ROR2: variants seen among roughly 807,000 people sequenced by gnomAD.
ROR2 encodes tyrosine-protein kinase transmembrane receptor ROR2.
Under a neutral mutation model 74.9 loss-of-function variants are expected in ROR2, and 33 were observed. The observed-to-expected ratio is 0.44, with a 90% CI of 0.33 to 0.59. ROR2 has a LOEUF of 0.59. Ranked by LOEUF, ROR2 falls within the 20% of genes least tolerant of loss-of-function variation. The pLI, the probability that ROR2 is intolerant of heterozygous loss-of-function variation, is 0.02. For synonymous variants in ROR2, 586 were observed against 558.7 expected, an observed-to-expected ratio of 1.05 and a Z score of -0.69; for missense variants, 1,216 against 1,313.8, an observed-to-expected ratio of 0.93 and a Z score of 1.15.
chr9:91,805,013 A>G (rs940315105), intron 1 of ROR2, among the ~76,000 whole-genome samples: 2 of 152,264 alleles, frequency 1.3e-5, no homozygotes, highest in Admixed American at 1.3e-4. Context: ...GCATTTATTC[A>G]AAGTACTTCA....
chr9:91,837,646 A>C (rs550290053), intron 1 of ROR2, among the ~76,000 whole-genome samples: 77 of 152,224 alleles, frequency 5.1e-4, no homozygotes, highest in Non-Finnish European at 9.1e-4. Flanking sequence ...GCCATCTCAT[A>C]AATTTTTCAT....
intron 2 of ROR2, among the ~76,000 whole-genome samples, chr9:91,773,546 G>T (rs1374924641): frequency 6.6e-6 from 1 of 152,228 alleles, no homozygotes; most frequent in Non-Finnish European, 1.5e-5. Context: ...TACCCATTGT[G>T]GGAGCCTCTT....
At chr9:91,780,182 CCTGG>C (rs1408049507) in intron 1 of ROR2, among the ~76,000 whole-genome samples, 1 of 152,056 alleles carries the variant, frequency 6.6e-6, no homozygotes, top group East Asian at 1.9e-4. Context: ...ACGAGACCAT[CCTGG>C]CTAACACAGT....
chr9:91,939,236 G>A (rs552210616), intron 1 of ROR2, among the ~76,000 whole-genome samples: 4 of 151,700 alleles, frequency 2.6e-5, no homozygotes, highest in Non-Finnish European at 4.4e-5. Flanking sequence ...GCGACAAAGC[G>A]AGACTCCATC....
chr9:91,779,897 A>T (rs987737838), intron 1 of ROR2, among the ~76,000 whole-genome samples: 1 of 152,264 alleles, frequency 6.6e-6, no homozygotes, highest in Non-Finnish European at 1.5e-5. Flanking sequence ...GCATGGAGAC[A>T]TCAGCTCTTA....
At chr9:91,818,161 A>G (rs570954818) in intron 1 of ROR2, among the ~76,000 whole-genome samples, 1 of 152,322 alleles carries the variant, frequency 6.6e-6, no homozygotes, top group East Asian at 1.9e-4. Flanking sequence ...CTTCTTTCCA[A>G]GAACATGGAC....
chr9:91,738,749 G>A (rs1012330116), intron 4 of ROR2, among the ~76,000 whole-genome samples: 2 of 152,216 alleles, frequency 1.3e-5, no homozygotes, highest in African/African-American at 2.4e-5. Context: ...CTGCATGGAC[G>A]GCACAGACTG....
intron 1 of ROR2, among the ~76,000 whole-genome samples, chr9:91,822,555 C>T (rs79813193): frequency 0.025 from 3,791 of 152,274 alleles, 93 homozygotes; most frequent in East Asian, 0.095. Context: ...CTTTTCTTTT[C>T]AGTAGAAATG....
chr9:91,740,476 C>T (rs1363883403), intron 4 of ROR2, among the ~76,000 whole-genome samples: 1 of 151,002 alleles, frequency 6.6e-6, no homozygotes, highest in African/African-American at 2.5e-5. Flanking sequence ...GGCGTGAACC[C>T]AGGAGGCGGA....
At position 91,723,601 on chromosome 9, in the gene ROR2, CTG is replaced by C; in HGVS notation, c.*59_*60del. On this transcript the variant is annotated 3_prime_UTR_variant, in exon 9 of 9. Coordinates refer to ENST00000375708, the MANE Select transcript of ROR2 (RefSeq NM_004560.4). ...GAGTATGGTGTCTTCTCAAAGGTGA[CTG>C]AGGTCCCTGTGGGGTCTCGGCGGGG... 1 of 1,595,220 alleles carries C rather than the reference CTG, an allele frequency of 6.3e-7. No homozygotes were observed. Among genetic ancestry groups the C allele is most frequent in the Non-Finnish European group, 8.5e-7 (1 of 1,173,148 alleles).
chr9:91,883,594 C>T (rs867127091), intron 1 of ROR2, among the ~76,000 whole-genome samples: 1 of 152,170 alleles, frequency 6.6e-6, no homozygotes, highest in Non-Finnish European at 1.5e-5. Context: ...CTGATTTGGA[C>T]ATGACAAATA....
chr9:91,821,985 A>AAT (rs1828153147), intron 1 of ROR2, among the ~76,000 whole-genome samples: 2 of 137,034 alleles, frequency 1.5e-5, no homozygotes, highest in South Asian at 2.3e-4. Flanking sequence ...AGACAGCTAA[A>AAT]ATATATATAT....
intron 1 of ROR2, among the ~76,000 whole-genome samples, chr9:91,820,628 T>C (rs1587751770): frequency 6.7e-6 from 1 of 149,296 alleles, no homozygotes; most frequent in African/African-American, 2.4e-5. Context: ...GGTTATTACA[T>C]AGCCAAGTGC....
At chr9:91,818,724 G>A (rs763307533) in intron 1 of ROR2, among the ~76,000 whole-genome samples, 1 of 152,170 alleles carries the variant, frequency 6.6e-6, no homozygotes, top group Non-Finnish European at 1.5e-5. Context: ...TGGGCTCAGG[G>A]GGTCTTAGCG....
At chr9:91,858,847 G>A (rs982190233) in intron 1 of ROR2, among the ~76,000 whole-genome samples, 2 of 152,160 alleles carry the variant, frequency 1.3e-5, no homozygotes, top group Non-Finnish European at 2.9e-5. Flanking sequence ...TACTGATGAG[G>A]TTTACAGAAA....
chr9:91,857,200 A>T (rs1314136431), intron 1 of ROR2, among the ~76,000 whole-genome samples: 3 of 152,132 alleles, frequency 2.0e-5, no homozygotes, highest in Non-Finnish European at 4.4e-5. Flanking sequence ...CTCCCCTCCC[A>T]TCCAACTACA....
chr9:91,939,354 C>T (rs1437017459), intron 1 of ROR2, among the ~76,000 whole-genome samples: 3 of 152,236 alleles, frequency 2.0e-5, no homozygotes, highest in Admixed American at 6.5e-5. Flanking sequence ...TCATGGTTTT[C>T]GTGCTCCTTA....
intron 4 of ROR2, among the ~76,000 whole-genome samples, chr9:91,751,732 A>G (rs1476425644): frequency 6.6e-6 from 1 of 152,222 alleles, no homozygotes; most frequent in Non-Finnish European, 1.5e-5. Flanking sequence ...GAGTCAAGAA[A>G]TGTGCAGATA....
chr9:91,851,537 G>A (rs1185730355), intron 1 of ROR2, among the ~76,000 whole-genome samples: 1 of 152,114 alleles, frequency 6.6e-6, no homozygotes, highest in African/African-American at 2.4e-5. Context: ...GGTTCTTCTT[G>A]CTCATTTTCA....
Sources: allele counts gnomAD v4.1 joint callset (sites outside exome capture counted in the v4.1 genomes callset), GRCh38; gene constraint gnomAD v4.1.1; transcripts MANE v1.5; gene names NCBI Gene and HGNC (gene_info 2026-07-23, HGNC 2026-07-21).